The following NUDCD3 variants were observed in gnomAD, a reference collection of about 807,000 sequenced individuals.
NUDCD3 encodes the protein NudC domain containing 3.
Under a neutral mutation model 39.7 loss-of-function variants are expected in NUDCD3, and 13 were observed. That is an observed-to-expected ratio of 0.33 (90% CI 0.21 to 0.52). The LOEUF is 0.52. Among genes scored for constraint, NUDCD3 ranks in the 20% least tolerant of loss-of-function variants. The probability of loss-of-function intolerance (pLI) is 0.96; values close to 1 mark genes in which losing one functional copy is unlikely to be tolerated. For missense variants in NUDCD3, 453 were observed against 458.1 expected, an observed-to-expected ratio of 0.99 and a Z score of 0.10; for synonymous variants, 175 against 172.4, an observed-to-expected ratio of 1.02 and a Z score of -0.12.
chr7:44,485,063 AG>A lies in NUDCD3; in HGVS notation c.413del (p.Pro138LeufsTer2). ...QEVEKVQPPG[P>X]VKEMAHGSQE... ...GTGAACCATGGGCCATTTCCTTCACAGGGCCTGGAGGCTGCACTTTCTCTAC... is the reference window on the plus strand; with the variant it reads ...GTGAACCATGGGCCATTTCCTTCACAGGCCTGGAGGCTGCACTTTCTCTAC... On this transcript the variant is annotated frameshift_variant, in exon 2 of 6. Coordinates refer to ENST00000355451, the MANE Select transcript of NUDCD3 (RefSeq NM_015332.4). LOFTEE classifies it high-confidence loss of function. 6.2e-7 allele frequency: 1 copy of A among 1,614,156 alleles called. No individual in the cohort carries two copies. Among genetic ancestry groups the A allele is most frequent in the Non-Finnish European group, 8.5e-7 (1 of 1,180,002 alleles).
At chr7:44,429,998 A>G (rs1799322590) in intron 2 of NUDCD3, among the ~76,000 whole-genome samples, 1 of 152,252 alleles carries the variant, frequency 6.6e-6, no homozygotes, top group African/African-American at 2.4e-5. Flanking sequence ...TTTAATTTCT[A>G]AGAAGAAATA....
intron 2 of NUDCD3, among the ~76,000 whole-genome samples, chr7:44,441,013 A>G (rs547494026): frequency 2.6e-5 from 4 of 152,140 alleles, no homozygotes; most frequent in Non-Finnish European, 5.9e-5. Context: ...CCCATCTCCC[A>G]TATTCCCACA....
chr7:44,478,960 G>T (rs1477950689), intron 2 of NUDCD3, among the ~76,000 whole-genome samples: 1 of 152,204 alleles, frequency 6.6e-6, no homozygotes, highest in African/African-American at 2.4e-5. Context: ...TTGACTCGCA[G>T]TTCAGCATGG....
intron 2 of NUDCD3, among the ~76,000 whole-genome samples, chr7:44,462,325 G>C (rs1563184385): frequency 2.0e-5 from 3 of 152,016 alleles, no homozygotes; most frequent in Non-Finnish European, 2.9e-5. Context: ...TAATTTCCAG[G>C]GCTCGAGTTA....
At chr7:44,431,266 G>C (rs1799357256) in intron 2 of NUDCD3, among the ~76,000 whole-genome samples, 1 of 152,190 alleles carries the variant, frequency 6.6e-6, no homozygotes, top group South Asian at 2.1e-4. Flanking sequence ...GTAGGAAAGT[G>C]AGTCAGCAGT....
At position 44,383,697 on chromosome 7, in the gene NUDCD3, C is replaced by T. The variant is rs1000606406; in HGVS notation, c.*2314G>A. ...CCTGGACAAGGGAAATGAGTCACCC[C>T]GCTTTCCTCGGACCTCAGCTGGTGG... On this transcript the variant is annotated 3_prime_UTR_variant, in exon 6 of 6. Coordinates refer to ENST00000355451, the MANE Select transcript of NUDCD3 (RefSeq NM_015332.4). 4 of 152,256 alleles carry T rather than the reference C, an allele frequency of 2.6e-5. No individual in the cohort carries two copies. Among genetic ancestry groups the T allele is most frequent in the African/African-American group, 7.2e-5 (3 of 41,450 alleles). 9.4% of individuals were successfully genotyped at this position (152,256 alleles called of 1,614,324 possible).
At chr7:44,451,519 CTAAA>C (rs1224668325) in intron 2 of NUDCD3, among the ~76,000 whole-genome samples, 1 of 152,120 alleles carries the variant, frequency 6.6e-6, no homozygotes, top group Non-Finnish European at 1.5e-5. Context: ...TTTTCAGAAA[CTAAA>C]TAAATTTTTA....
intron 2 of NUDCD3, chr7:44,468,349 C>CCGAA: frequency 2.7e-6 from 1 of 375,658 alleles, no homozygotes; most frequent in Non-Finnish European, 4.2e-6. Flanking sequence ...GTAAAAACTG[C>CCGAA]AAAAAAAAAA....
intron 2 of NUDCD3, among the ~76,000 whole-genome samples, chr7:44,452,791 T>C (rs895093155): frequency 2.0e-5 from 3 of 152,194 alleles, no homozygotes; most frequent in Admixed American, 6.5e-5. Flanking sequence ...TGTGACTCAA[T>C]TAAGACAGAA....
chr7:44,458,928 G>A (rs947911277), intron 2 of NUDCD3, among the ~76,000 whole-genome samples: 3 of 119,784 alleles, frequency 2.5e-5, no homozygotes, highest in East Asian at 2.7e-4. Context: ...AGGATTAGAC[G>A]GGGAGTGCTG....
intron 5 of NUDCD3, among the ~76,000 whole-genome samples, chr7:44,392,021 C>T (rs1798526164): frequency 6.6e-6 from 1 of 152,218 alleles, no homozygotes; most frequent in Non-Finnish European, 1.5e-5. Flanking sequence ...GGCTCTGGTG[C>T]AGGAAGGGCA....
intron 2 of NUDCD3, among the ~76,000 whole-genome samples, chr7:44,459,966 A>G (rs1799976103): frequency 6.6e-6 from 1 of 152,254 alleles, no homozygotes; most frequent in Non-Finnish European, 1.5e-5. Context: ...TGATCAAGTC[A>G]CAGTGGAATT....
intron 5 of NUDCD3, among the ~76,000 whole-genome samples, chr7:44,391,150 A>T (rs75127233): frequency 6.6e-6 from 1 of 152,148 alleles, no homozygotes; most frequent in Non-Finnish European, 1.5e-5. Flanking sequence ...GTGGGGGGAA[A>T]AAAACAAAAA....
At position 44,420,546 on chromosome 7, in the gene NUDCD3, C is replaced by T. The variant is rs149527891; in HGVS notation, c.642+7025G>A. ...GAAGAGCAACCCCAAGACACATAAT[C>T]GTCAGATTCTCCAAGGTTGAAACGA... On this transcript the variant is annotated intron_variant, in intron 3 of 5. Transcript: ENST00000355451. 5.7e-3 allele frequency among the ~76,000 whole-genome samples: 870 copies of T among 152,182 alleles called. 5 individuals are homozygous for T. Among genetic ancestry groups the T allele is most frequent in the African/African-American group, 0.02 (825 of 41,502 alleles).
chr7:44,465,493 T>C (rs1022391773), intron 2 of NUDCD3, among the ~76,000 whole-genome samples: 1 of 152,186 alleles, frequency 6.6e-6, no homozygotes, highest in Non-Finnish European at 1.5e-5. Context: ...GGGACATTAA[T>C]CGTGGAGGCC....
At chr7:44,471,752 G>A (rs974550290) in intron 2 of NUDCD3, 2 of 152,206 alleles carry the variant, frequency 1.3e-5, no homozygotes, top group African/African-American at 4.8e-5. Context: ...TAGAAGCAAG[G>A]GGTGACAAAG....
At chr7:44,458,658 C>CG (rs1799946964) in intron 2 of NUDCD3, among the ~76,000 whole-genome samples, 1 of 137,866 alleles carries the variant, frequency 7.3e-6, no homozygotes, top group African/African-American at 2.8e-5. Flanking sequence ...AACTCTGTCT[C>CG]GGGGGAAAAA....
chr7:44,462,016 G>A (rs1171568952), intron 2 of NUDCD3, among the ~76,000 whole-genome samples: 2 of 152,156 alleles, frequency 1.3e-5, no homozygotes, highest in Non-Finnish European at 2.9e-5. Flanking sequence ...TAGGCAGGTG[G>A]TCCCTGAACC....
At position 44,385,968 on chromosome 7, in the gene NUDCD3, G is replaced by A. The variant is rs367686155; in HGVS notation, c.*43C>T. The A allele has an allele frequency of 2.0e-6, 2 of 995,950 alleles. No homozygotes were observed. The highest frequency in any genetic ancestry group is 3.2e-6 in the Non-Finnish European group (2 of 617,344). The allele number at this position is 995,950 out of a possible 1,614,324, so 61.7% of individuals were successfully genotyped here. A position where few individuals can be genotyped will look rare whatever the true frequency, so the allele number is the denominator to read the frequency against. ...GCCAAGAAGGGCAGCCGAGGATAAGGCTCTGCCTCCCCACCGGCGAGGGTT... is the reference window on the plus strand; with the variant it reads ...GCCAAGAAGGGCAGCCGAGGATAAGACTCTGCCTCCCCACCGGCGAGGGTT... On this transcript the variant is annotated 3_prime_UTR_variant, in exon 6 of 6. Transcript: ENST00000355451.
Sources: gnomAD v4.1 joint callset for allele counts (sites outside exome capture counted in the v4.1 genomes callset) on GRCh38, gnomAD v4.1.1 for gene constraint, MANE v1.5 for transcripts, NCBI Gene and HGNC (gene_info 2026-07-23, HGNC 2026-07-21) for gene names.